The following FRMD5 variants were observed in gnomAD, a reference collection of about 807,000 sequenced individuals.
FRMD5 encodes the protein FERM domain containing 5, also known as FERM domain-containing protein 5.
A neutral mutation model predicts 69.0 loss-of-function variants in FRMD5; 20 were observed. The ratio of observed to expected loss-of-function variants is 0.29; its 90% CI spans 0.20 to 0.42. The LOEUF (loss-of-function observed/expected upper bound fraction) is 0.42, where lower values mean the gene tolerates loss of function less well. FRMD5 is among the 10% of genes least tolerant of loss of function. FRMD5 has a pLI of 1.00. For synonymous variants in FRMD5, 271 were observed against 260.1 expected (o/e 1.04, Z -0.40); for missense variants, 595 against 708.6 (o/e 0.84, Z 1.82).
chr15:43,955,035 T>C (rs1390617167), intron 1 of FRMD5, among the ~76,000 whole-genome samples: 1 of 152,182 alleles, frequency 6.6e-6, no homozygotes, highest in Non-Finnish European at 1.5e-5. Flanking sequence ...GAGAAAAAAA[T>C]GTCATTTTAC....
chr15:43,873,370 C>G lies in FRMD5; in HGVS notation c.*515G>C. Reference sequence around the variant, plus strand: ...AAACAAACAAAAAACTAAACAGTCCCCATTGTCCAGATCCCTGGCCTGCCC... The same window carrying G: ...AAACAAACAAAAAACTAAACAGTCCGCATTGTCCAGATCCCTGGCCTGCCC... On this transcript the variant is annotated 3_prime_UTR_variant, in exon 14 of 14. Transcript: ENST00000417257. The G allele has an allele frequency of 6.9e-7, 1 of 1,457,940 alleles. No individual in the cohort carries two copies. The highest frequency in any genetic ancestry group is 2.5e-5 in the East Asian group (1 of 40,106). The allele number at this position is 1,457,940 out of a possible 1,614,324, so 90.3% of individuals were successfully genotyped here.
Position 43,910,699 on chromosome 15 carries a change from C to T in FRMD5, c.330-720G>A, listed in dbSNP as rs186809196. 4.4e-4 allele frequency among the ~76,000 whole-genome samples: 66 copies of T among 151,616 alleles called. No homozygotes were observed. The South Asian group carries it at 7.9e-3, about 18-fold the overall frequency. On this transcript the variant is annotated intron_variant, in intron 4 of 13. Transcript: ENST00000417257. Reference sequence around the variant, plus strand: ...AGAAAGCTGTTGCCTCAGGTGGAAGCAGGATATCAAAAACAAGAGCAAATA... The same window carrying T: ...AGAAAGCTGTTGCCTCAGGTGGAAGTAGGATATCAAAAACAAGAGCAAATA...
intron 1 of FRMD5, among the ~76,000 whole-genome samples, chr15:44,037,301 T>C (rs1055069062): frequency 6.6e-6 from 1 of 152,162 alleles, no homozygotes; most frequent in Middle Eastern, 3.2e-3. Context: ...TCCATATCCC[T>C]GCAAAGGACA....
chr15:43,935,367 C>T (rs902825570), intron 1 of FRMD5, among the ~76,000 whole-genome samples: 9 of 152,082 alleles, frequency 5.9e-5, no homozygotes, highest in African/African-American at 1.9e-4. Context: ...GCTTGTAATC[C>T]CAGCTACTTG....
At chr15:44,049,053 C>T (rs979542215) in intron 1 of FRMD5, among the ~76,000 whole-genome samples, 1 of 152,186 alleles carries the variant, frequency 6.6e-6, no homozygotes, top group Non-Finnish European at 1.5e-5. Flanking sequence ...AACAGGGAAA[C>T]CCTGCTAAAA....
At chr15:44,169,639 G>A (rs569698839) in intron 1 of FRMD5, among the ~76,000 whole-genome samples, 16 of 152,222 alleles carry the variant, frequency 1.1e-4, no homozygotes, top group African/African-American at 3.6e-4. Context: ...CTTAACAACA[G>A]CAGATTTCTG....
chr15:44,005,125 G>A (rs1890378523), intron 1 of FRMD5, among the ~76,000 whole-genome samples: 1 of 152,236 alleles, frequency 6.6e-6, no homozygotes, highest in Non-Finnish European at 1.5e-5. Context: ...GCTGGCAGAG[G>A]TTGGTTCATG....
At position 44,195,028 on chromosome 15, in the gene FRMD5, G is replaced by GCTGCCGCTCATCAACCTGCTC. The variant is rs1244049776; in HGVS notation, c.6_26dup (p.Gly8_Ser9insArgSerArgLeuMetSerGly). The stretch of plus-strand genomic sequence containing the variant: ...TGTACTCGCGCTCCAGGCTCCTGCT[G>GCTGCCGCTCATCAACCTGCTC]CTGCCGCTCATCAACCTGCTCAGCA... On this transcript the variant is annotated inframe_insertion, in exon 1 of 14. Coordinates refer to ENST00000417257, the MANE Select transcript of FRMD5 (RefSeq NM_032892.5). 1 of 1,554,476 alleles carries GCTGCCGCTCATCAACCTGCTC rather than the reference G, an allele frequency of 6.4e-7. No individual in the cohort carries two copies. Among genetic ancestry groups the GCTGCCGCTCATCAACCTGCTC allele is most frequent in the East Asian group, 2.4e-5 (1 of 41,102 alleles).
upstream of FRMD5, chr15:44,195,280 G>C (rs376855236): frequency 1.6e-4 from 82 of 513,832 alleles, 1 homozygote; most frequent in Middle Eastern, 2.6e-3. Flanking sequence ...CTGTCTCCTC[G>C]GCGCCCCAGT....
At chr15:43,974,225 G>A (rs1032712170) in intron 1 of FRMD5, among the ~76,000 whole-genome samples, 3 of 152,072 alleles carry the variant, frequency 2.0e-5, no homozygotes, top group Admixed American at 6.6e-5. Context: ...AAAATCTCAG[G>A]TGACTCCTTA....
intron 1 of FRMD5, among the ~76,000 whole-genome samples, chr15:44,178,993 G>GAAAT (rs58781373): frequency 2.4e-4 from 36 of 151,514 alleles, no homozygotes; most frequent in East Asian, 1.4e-3. Context: ...ACTCTGTCTT[G>GAAAT]AAATAAATAA....
chr15:43,924,317 G>A lies in FRMD5; in HGVS notation c.103-8C>T. ...CTGGCCTTTGGCATCTCTCTGCAAA[G>A]AAAGAAAACTCCATTGAGAAATGAG... On this transcript the variant is annotated splice_polypyrimidine_tract_variant and splice_region_variant and intron_variant, in intron 1 of 13. Transcript: ENST00000417257. The A allele has an allele frequency of 6.2e-7, 1 of 1,600,576 alleles. No individual in the cohort carries two copies. The highest frequency in any genetic ancestry group is 8.6e-7 in the Non-Finnish European group (1 of 1,169,024).
At chr15:44,162,473 CT>C (rs1300823861) in intron 1 of FRMD5, among the ~76,000 whole-genome samples, 1 of 152,074 alleles carries the variant, frequency 6.6e-6, no homozygotes, top group East Asian at 1.9e-4. Flanking sequence ...CCTTTGCTAG[CT>C]TTCTTTCATT....
chr15:43,964,802 C>T (rs1157972879), intron 1 of FRMD5, among the ~76,000 whole-genome samples: 1 of 152,082 alleles, frequency 6.6e-6, no homozygotes, highest in Non-Finnish European at 1.5e-5. Context: ...CATACCATTG[C>T]TTTGGGTCTT....
intron 7 of FRMD5, among the ~76,000 whole-genome samples, chr15:43,892,576 C>T (rs1228760302): frequency 6.6e-6 from 1 of 152,116 alleles, no homozygotes; most frequent in Non-Finnish European, 1.5e-5. Context: ...CAGAAACAAC[C>T]CAATCCATTT....
In FRMD5 at chr15:44,090,556, C is replaced by T. The variant is rs1165860267; in HGVS notation, c.102+104397G>A. Among the ~76,000 whole-genome samples, 33 of 151,896 alleles carry T rather than the reference C, an allele frequency of 2.2e-4. 1 individual carries two copies. On this transcript the variant is annotated intron_variant, in intron 1 of 13. Transcript: ENST00000417257. ...CTGGATTCCAGTAATTCTCCCACCT[C>T]AGCCTTTCGAGTAGCTGGGATTACA...
chr15:44,091,764 T>C lies in FRMD5; in HGVS notation c.102+103189A>G, dbSNP rs763604073. Among the ~76,000 whole-genome samples, 60 of 152,178 alleles carry C rather than the reference T, an allele frequency of 3.9e-4. 1 individual carries two copies. The highest frequency in any genetic ancestry group is 9.6e-5 in the African/African-American group (4 of 41,452). On this transcript the variant is annotated intron_variant, in intron 1 of 13. Transcript: ENST00000417257. ...AACTCTAGGCCAGTGCTAACTCTTATCTTAATTTTCTTCCATCCATGGGAA... is the reference window on the plus strand; with the variant it reads ...AACTCTAGGCCAGTGCTAACTCTTACCTTAATTTTCTTCCATCCATGGGAA...
intron 2 of FRMD5, among the ~76,000 whole-genome samples, chr15:43,923,890 C>A (rs1412094323): frequency 2.0e-5 from 3 of 152,202 alleles, no homozygotes; most frequent in African/African-American, 7.2e-5. Flanking sequence ...AGAAAGTGGG[C>A]AGGAGAGGCT....
chr15:44,083,550 T>G (rs2140454302), intron 1 of FRMD5, among the ~76,000 whole-genome samples: 1 of 152,064 alleles, frequency 6.6e-6, no homozygotes, highest in Non-Finnish European at 1.5e-5. Flanking sequence ...GAACCCAGGA[T>G]TTTTTCCCCC....
Sources: gnomAD v4.1 joint callset for allele counts (sites outside exome capture counted in the v4.1 genomes callset) on GRCh38, gnomAD v4.1.1 for gene constraint, MANE v1.5 for transcripts, NCBI Gene and HGNC (gene_info 2026-07-23, HGNC 2026-07-21) for gene names.